PUM3: variants seen among roughly 807,000 people sequenced by gnomAD.
The protein encoded by PUM3 is pumilio homolog 3.
Under a neutral mutation model 84.0 loss-of-function variants are expected in PUM3, and 91 were observed. The observed-to-expected ratio is 1.08, with a 90% CI of 0.91 to 1.29. The LOEUF (loss-of-function observed/expected upper bound fraction) is 1.29. PUM3 is among the 50% of genes most tolerant of loss of function. The probability of loss-of-function intolerance (pLI) is 0.00; values close to 1 mark genes in which losing one functional copy is unlikely to be tolerated. For synonymous variants in PUM3, 321 were observed against 266.7 expected (o/e 1.20, Z -1.98); for missense variants, 1,067 against 767.5 (o/e 1.39, Z -4.61).
At chr9:2,843,781 T>A (rs889145304) in intron 1 of PUM3, among the ~76,000 whole-genome samples, 1 of 151,738 alleles carries the variant, frequency 6.6e-6, no homozygotes, top group Non-Finnish European at 1.5e-5. Context: ...GGTTTCACCG[T>A]GTTAGCCAGG....
chr9:2,844,024 C>T (rs1816341428), intron 1 of PUM3, 21 bp downstream of exon 1: 1 of 154,892 alleles, frequency 6.5e-6, no homozygotes, highest in African/African-American at 2.4e-5. Flanking sequence ...CAAGAGCGAC[C>T]GCTGAGCCTG....
chr9:2,828,634 A>G (rs1264715304), intron 9 of PUM3, 41 bp downstream of exon 9: 6 of 1,197,528 alleles, frequency 5.0e-6, no homozygotes, highest in Non-Finnish European at 7.4e-6. Flanking sequence ...TCCTCCTTTG[A>G]ATGTCATTTC....
rs1296017963 is a variant in PUM3, at chr9:2,827,160, A to G, written c.957-9T>C. On this transcript the variant is annotated splice_polypyrimidine_tract_variant and intron_variant, in intron 9 of 17. Coordinates refer to ENST00000397885, the MANE Select transcript of PUM3 (RefSeq NM_014878.5). ...GCTTAATCACAGCTTCCCTGAAAACAGAAAAAAAAAGCAAAAAGACACAAC... is the reference window on the plus strand; with the variant it reads ...GCTTAATCACAGCTTCCCTGAAAACGGAAAAAAAAAGCAAAAAGACACAAC... The G allele has an allele frequency of 1.9e-6, 3 of 1,600,066 alleles. No individual in the cohort carries two copies. The highest frequency in any genetic ancestry group is 2.7e-5 in the African/African-American group (2 of 74,194).
chr9:2,828,402 G>A (rs113201490), intron 9 of PUM3: 51 of 337,860 alleles, frequency 1.5e-4, no homozygotes, highest in African/African-American at 1.0e-3. Context: ...TGGCTTCCAT[G>A]TAACATTTTA....
chr9:2,820,409 G>A lies in PUM3; in HGVS notation c.1189-311C>T, dbSNP rs550385514. Among the ~76,000 whole-genome samples, 29 of 151,904 alleles carry A rather than the reference G, an allele frequency of 1.9e-4. No homozygotes were observed. The East Asian group carries it at 2.3e-3, about 12-fold the overall frequency. ...TTACATAGGTTACTGTTAATGAATA[G>A]CTACTTGAAAATTATACTTAAAAGT... On this transcript the variant is annotated intron_variant, in intron 12 of 17. Coordinates refer to ENST00000397885, the MANE Select transcript of PUM3 (RefSeq NM_014878.5).
intron 13 of PUM3, among the ~76,000 whole-genome samples, 182 bp from the exon 14 acceptor site, chr9:2,812,544 C>CA (rs978347582): frequency 9.9e-5 from 15 of 152,158 alleles, no homozygotes; most frequent in Non-Finnish European, 1.8e-4. Flanking sequence ...TAAACAACAA[C>CA]AAAAAAATGA....
In PUM3 at chr9:2,829,884, G is replaced by A. The variant is rs753311824; in HGVS notation, c.742C>T (p.His248Tyr). 7 of 1,613,872 alleles carry A rather than the reference G, an allele frequency of 4.3e-6. No individual in the cohort carries two copies. The South Asian group carries it at 7.7e-5, about 18-fold the overall frequency. Residue 248 changes from histidine to tyrosine, a missense_variant, in exon 8 of 18, where the codon CAT (histidine) becomes TAT (tyrosine). Coordinates refer to ENST00000397885, the MANE Select transcript of PUM3 (RefSeq NM_014878.5). ...FKGHVRKMLR[H>Y]AEASAIVEYA... is the part of the protein sequence containing the mutation. ...TCCACGATGGCTGATGCTTCCGCAT[G>A]CCGCAGCATCTTCCTCACGTGGCCT...
At chr9:2,830,566 T>C (rs1815948969) in intron 7 of PUM3, among the ~76,000 whole-genome samples, 1 of 152,200 alleles carries the variant, frequency 6.6e-6, no homozygotes, top group South Asian at 2.1e-4. Flanking sequence ...AAGATAAACA[T>C]TCACAAATCA....
At chr9:2,834,253 A>C (rs1402121828) in intron 3 of PUM3, 87 bp from the exon 4 acceptor site, 7 of 1,099,874 alleles carry the variant, frequency 6.4e-6, no homozygotes, top group South Asian at 1.5e-5. Context: ...GGCAATCACT[A>C]ATCAGGATCA....
At chr9:2,834,735 TC>T (rs1816074396) in intron 3 of PUM3, among the ~76,000 whole-genome samples, 1 of 152,144 alleles carries the variant, frequency 6.6e-6, no homozygotes, top group South Asian at 2.1e-4. Flanking sequence ...GAATTAGGAC[TC>T]AAACCTAGAA....
At position 2,804,348 on chromosome 9, in the gene PUM3, C is replaced by G. The variant is rs1353027796; in HGVS notation, c.1930G>C (p.Glu644Gln). The change falls in exon 18 of 18, where the codon GAA (glutamate) becomes CAA (glutamine). Residue 644 changes from glutamate to glutamine, a missense_variant. By Grantham distance (29) the Glu-to-Gln change is conservative. Transcript: ENST00000397885. ...CTTTCCACCTATGTGCTCAGTTTTT[C>G]AAGTAGAATTTCTATTCCTTTGCTG... Reference protein sequence around the residue: ...STSKGIEILLEKLST With the variant: ...STSKGIEILLQKLST 1 of 1,613,352 alleles carries G rather than the reference C, an allele frequency of 6.2e-7. No homozygotes were observed. The highest frequency in any genetic ancestry group is 1.3e-5 in the African/African-American group (1 of 74,850).
At chr9:2,820,926 G>C (rs1050386435) in intron 12 of PUM3, among the ~76,000 whole-genome samples, 1 of 152,106 alleles carries the variant, frequency 6.6e-6, no homozygotes, top group Non-Finnish European at 1.5e-5. Flanking sequence ...CCTGTTTCCA[G>C]AGCTTGTGGC....
rs1203593660 is a variant in PUM3, at chr9:2,831,010, C to T, written c.629G>A (p.Ser210Asn). 2.7e-6 allele frequency: 4 copies of T among 1,493,392 alleles called. No homozygotes were observed. Among genetic ancestry groups the T allele is most frequent in the South Asian group, 2.3e-5 (2 of 86,592 alleles). 92.5% of individuals were successfully genotyped at this position (1,493,392 alleles called of 1,614,324 possible). The change falls in exon 7 of 18, where the codon AGT becomes AAT. Residue 210 changes from serine (S) to asparagine (N), a missense_variant. Transcript: ENST00000397885. ...AATATTTCTCGAATATTTGGCTTTA[C>T]TTAACTCAACCAAATCATCTGAAAA... Reference protein sequence around the residue: ...EELRDDLVELSKAKYSRNIVK... With the variant: ...EELRDDLVELNKAKYSRNIVK...
chr9:2,822,333 T>G (rs904226160), intron 12 of PUM3, among the ~76,000 whole-genome samples: 8 of 152,076 alleles, frequency 5.3e-5, no homozygotes, highest in African/African-American at 1.9e-4. Flanking sequence ...GACCATATGT[T>G]AGGCCATAAA....
Position 2,828,622 on chromosome 9 carries a change from C to G in PUM3, c.956+53G>C, listed in dbSNP as rs1280174118. On this transcript the variant is annotated intron_variant, in intron 9 of 17. Transcript: ENST00000397885. ...CTTCTGGGCAACAGTTATGGAAAAC[C>G]TTCCTCCTTTGAATGTCATTTCTTA... 16 of 1,080,426 alleles carry G rather than the reference C, an allele frequency of 1.5e-5. No individual in the cohort carries two copies. The Admixed American group carries it at 2.3e-4, about 16-fold the overall frequency. The allele number at this position is 1,080,426 out of a possible 1,614,324, so 66.9% of individuals were successfully genotyped here. A position where few individuals can be genotyped will look rare whatever the true frequency, so the allele number is the denominator to read the frequency against.
At chr9:2,824,868 A>T (rs1563831152) in intron 10 of PUM3, 53 bp from the exon 11 acceptor site, 10 of 1,289,878 alleles carry the variant, frequency 7.8e-6, no homozygotes, top group African/African-American at 1.5e-5. Context: ...TCTTCTTTCT[A>T]CTGTTTTATC....
chr9:2,823,643 T>A, intron 12 of PUM3, 138 bp downstream of exon 12: 2 of 464,658 alleles, frequency 4.3e-6, no homozygotes, highest in African/African-American at 2.0e-5. Flanking sequence ...TGAAAATACA[T>A]GTAGATGCAA....
rs775015977 is a variant in PUM3 at position 2,811,395 on chromosome 9, G to A, written c.1601C>T (p.Ala534Val). The A allele has an allele frequency of 9.9e-6, 16 of 1,614,108 alleles. No individual in the cohort carries two copies. The South Asian group carries it at 1.5e-4, about 16-fold the overall frequency. The stretch of plus-strand genomic sequence containing the variant: ...CTTGCCACCAGGATGCAGTCCTGTT[G>A]CTGCCAAGCTGGCGATGGCATTCAT... ...PTMNAIASLAATGLHPGGKDG... is the reference protein window; with the variant it reads ...PTMNAIASLAVTGLHPGGKDG... Residue 534 changes from alanine to valine, a missense_variant, in exon 15 of 18, where the codon GCA becomes GTA. Coordinates refer to ENST00000397885, the MANE Select transcript of PUM3 (RefSeq NM_014878.5).
At chr9:2,811,661 T>C (rs924100993) in intron 14 of PUM3, 78 bp from the exon 15 acceptor site, 10 of 999,222 alleles carry the variant, frequency 1.0e-5, no homozygotes, top group Non-Finnish European at 1.5e-5. Flanking sequence ...CAAAAACCTC[T>C]AAGAGCTTAT....
Sources: allele counts gnomAD v4.1 joint callset (sites outside exome capture counted in the v4.1 genomes callset), GRCh38; gene constraint gnomAD v4.1.1; transcripts MANE v1.5; gene names NCBI Gene and HGNC (gene_info 2026-07-23, HGNC 2026-07-21).